Variants in SEPTIN8 observed in about 807,000 individuals in gnomAD.
SEPTIN8 encodes the protein septin-8.
Under a neutral mutation model 53.1 loss-of-function variants are expected in SEPTIN8, and 22 were observed. The ratio of observed to expected loss-of-function variants is 0.41; its 90% CI spans 0.30 to 0.59. The LOEUF (loss-of-function observed/expected upper bound fraction) is 0.59. Ranked by LOEUF, SEPTIN8 falls within the 20% of genes least tolerant of loss-of-function variation. The pLI is 0.24. For synonymous variants in SEPTIN8, 228 were observed against 248.4 expected (o/e 0.92, Z 0.77); for missense variants, 536 against 638.7 (o/e 0.84, Z 1.73).
chr5:132,776,109 G>A lies in SEPTIN8; in HGVS notation c.30+999C>T, dbSNP rs1238281447. Reference sequence around the variant, plus strand: ...TTAGCCCCAGAACCAATTCGTTATCGTTCACATATTCAGAATTCCCCCTTC... The same window carrying A: ...TTAGCCCCAGAACCAATTCGTTATCATTCACATATTCAGAATTCCCCCTTC... On this transcript the variant is annotated intron_variant, in intron 1 of 9. Coordinates refer to ENST00000378719, the MANE Select transcript of SEPTIN8 (RefSeq NM_001098811.2). The surrounding 1 kb of genome is among the most constrained non-coding windows in gnomAD (Gnocchi z 4.4). 1 of 152,536 alleles carries A rather than the reference G, an allele frequency of 6.6e-6. No homozygotes were observed. Among genetic ancestry groups the A allele is most frequent in the Non-Finnish European group, 1.5e-5 (1 of 68,228 alleles). 9.4% of individuals were successfully genotyped at this position (152,536 alleles called of 1,614,324 possible).
At position 132,758,441 on chromosome 5, in the gene SEPTIN8, C is replaced by G. The variant is rs1473559969; in HGVS notation, c.1286+2361G>C. On this transcript the variant is annotated intron_variant, in intron 9 of 9. Coordinates refer to ENST00000378719, the MANE Select transcript of SEPTIN8 (RefSeq NM_001098811.2). Reference sequence around the variant, plus strand: ...TGCACCTAGGGCACCACGTGAGTTGCCATCTCCACGCTGAACAATTAGGCC... The same window carrying G: ...TGCACCTAGGGCACCACGTGAGTTGGCATCTCCACGCTGAACAATTAGGCC... The G allele has an allele frequency of 3.2e-6, 5 of 1,585,574 alleles. No individual in the cohort carries two copies. In the African/African-American group the frequency reaches 6.7e-5, roughly 21 times the overall value.
chr5:132,754,752 A>G (rs1040028273), intron 9 of SEPTIN8, among the ~76,000 whole-genome samples: 2 of 152,190 alleles, frequency 1.3e-5, no homozygotes, highest in Non-Finnish European at 2.9e-5. Context: ...AGGAACTCCT[A>G]TCCCACCTCA....
rs1227691091 is a variant in SEPTIN8, at chr5:132,776,827, C to T, written c.30+281G>A. On this transcript the variant is annotated intron_variant, in intron 1 of 9. Transcript: ENST00000378719. The surrounding 1 kb of genome is among the most constrained non-coding windows in gnomAD (Gnocchi z 4.4). The stretch of plus-strand genomic sequence containing the variant: ...GCGCCACTCTATCTTCGCACCTGCC[C>T]GGAGCCAGGCGGGTCTTTGCTCCTT... 2.0e-5 allele frequency among the ~76,000 whole-genome samples: 3 copies of T among 152,182 alleles called. No homozygotes were observed. Among genetic ancestry groups the T allele is most frequent in the African/African-American group, 4.8e-5 (2 of 41,458 alleles).
In SEPTIN8 at chr5:132,753,141, G is replaced by A. The variant is rs192495871; in HGVS notation, c.1287-960C>T. 451 of 617,544 alleles carry A rather than the reference G, an allele frequency of 7.3e-4. 2 individuals are homozygous for A. The African/African-American group carries it at 7.6e-3, about 10-fold the overall frequency. 38.3% of individuals were successfully genotyped at this position (617,544 alleles called of 1,614,324 possible). On this transcript the variant is annotated intron_variant, in intron 9 of 9. Transcript: ENST00000378719. ...CCTTGGAAAAAAAATAAAGGGGAGA[G>A]GGGAAAGGCAGGCTGAGGTCAGTAG...
chr5:132,778,482 G>A (rs996407859), upstream of SEPTIN8, among the ~76,000 whole-genome samples: 9 of 152,176 alleles, frequency 5.9e-5, no homozygotes, highest in African/African-American at 2.2e-4. Flanking sequence ...CCCCAAGGTG[G>A]ACTGACTTCC....
intron 9 of SEPTIN8, chr5:132,758,734 A>AT: frequency 6.2e-7 from 1 of 1,612,976 alleles, no homozygotes. Context: ...ACACCATGTT[A>AT]TGGGAGAAGG....
At chr5:132,753,002 C>A (rs777037482) in intron 9 of SEPTIN8, 5 of 1,553,368 alleles carry the variant, frequency 3.2e-6, no homozygotes, top group Non-Finnish European at 4.4e-6. Context: ...GCTTTCAGAG[C>A]ATAGTGTGAA....
At chr5:132,755,873 A>G in intron 9 of SEPTIN8, 1 of 726,436 alleles carries the variant, frequency 1.4e-6, no homozygotes, top group Non-Finnish European at 1.7e-6. Flanking sequence ...AACAATTCCT[A>G]CAGAAGTAGA....
chr5:132,761,174 C>T lies in SEPTIN8; in HGVS notation c.1054G>A (p.Val352Met). ...EEMRQMFVNK[V>M]KETELELKEK... ...TTCAGCTCCAGCTCTGTCTCCTTCA[C>T]TTTGTTGACAAACATCTGCCTCATC... Residue 352 changes from valine to methionine, a missense_variant, in exon 8 of 10, where the codon GTG becomes ATG. Transcript: ENST00000378719. This position sits in a 1 kb window ranked among gnomAD's most constrained non-coding sequence, Gnocchi z 5.8. 2 of 1,614,236 alleles carry T rather than the reference C, an allele frequency of 1.2e-6. No homozygotes were observed. The highest frequency in any genetic ancestry group is 1.7e-6 in the Non-Finnish European group (2 of 1,180,042).
Position 132,761,071 on chromosome 5 carries a change from T to C in SEPTIN8, c.1095+62A>G, listed in dbSNP as rs1755888668. On this transcript the variant is annotated intron_variant, in intron 8 of 9. Coordinates refer to ENST00000378719, the MANE Select transcript of SEPTIN8 (RefSeq NM_001098811.2). The surrounding 1 kb of genome is among the most constrained non-coding windows in gnomAD (Gnocchi z 5.8). Reference sequence around the variant, plus strand: ...TGGGCCAGGAAGGCACCCCCACCTCTACCCTCAGCCAGGCCTTCCCTCCCT... The same window carrying C: ...TGGGCCAGGAAGGCACCCCCACCTCCACCCTCAGCCAGGCCTTCCCTCCCT... 8 of 1,609,616 alleles carry C rather than the reference T, an allele frequency of 5.0e-6. No individual in the cohort carries two copies. The Admixed American group carries it at 6.7e-5, about 13-fold the overall frequency.
At position 132,777,157 on chromosome 5, in the gene SEPTIN8, G is replaced by C; in HGVS notation, c.-20C>G. 8.6e-7 allele frequency: 1 copy of C among 1,168,476 alleles called. No homozygotes were observed. Among genetic ancestry groups the C allele is most frequent in the Non-Finnish European group, 1.1e-6 (1 of 946,622 alleles). 72.4% of individuals were successfully genotyped at this position (1,168,476 alleles called of 1,614,324 possible). On this transcript the variant is annotated 5_prime_UTR_variant, in exon 1 of 10. Transcript: ENST00000378719. The surrounding 1 kb of genome is among the most constrained non-coding windows in gnomAD (Gnocchi z 4.1). ...CGCCATGGCGAGCTCCGCACCGGGC[G>C]GGTGGGCTGGGACGAGCGCAGGGGC...
At chr5:132,759,633 G>A (rs528459953) in intron 9 of SEPTIN8, among the ~76,000 whole-genome samples, 191 of 152,356 alleles carry the variant, frequency 1.3e-3, no homozygotes, top group Non-Finnish European at 2.0e-3. Context: ...TGCCACCAAG[G>A]AAGGAAGGGC....
At chr5:132,756,150 C>T in intron 9 of SEPTIN8, 2 of 985,478 alleles carry the variant, frequency 2.0e-6, no homozygotes, top group Non-Finnish European at 2.4e-6. Flanking sequence ...GCAAGCCACA[C>T]TTCCTCAGGC....
At chr5:132,770,008 T>TATATATAC (rs1554115484) in intron 1 of SEPTIN8, among the ~76,000 whole-genome samples, 21 of 52,208 alleles carry the variant, frequency 4.0e-4, no homozygotes, top group African/African-American at 1.2e-3. Context: ...TATATATATA[T>TATATATAC]ATATATATAT....
rs932850103 is a variant in SEPTIN8 at position 132,758,451 on chromosome 5, G to A, written c.1286+2351C>T. The A allele has an allele frequency of 1.4e-5, 22 of 1,595,684 alleles. No individual in the cohort carries two copies. The Admixed American group carries it at 1.9e-4, about 14-fold the overall frequency. ...GCACCACGTGAGTTGCCATCTCCAC[G>A]CTGAACAATTAGGCCTAGCATCCCG... is the stretch of plus-strand genomic sequence containing the variant. On this transcript the variant is annotated intron_variant, in intron 9 of 9. Transcript: ENST00000378719.
rs538327100 is a variant in SEPTIN8 at position 132,772,572 on chromosome 5, C to T, written c.30+4536G>A. Among the ~76,000 whole-genome samples the T allele has an allele frequency of 2.0e-5, 3 of 152,314 alleles. No homozygotes were observed. In the East Asian group the frequency reaches 5.8e-4, roughly 29 times the overall value. On this transcript the variant is annotated intron_variant, in intron 1 of 9. Transcript: ENST00000378719. ...GGGTATCACTGGCAGGAGAAGGCAG[C>T]CTCTGTTTCACAGCAAATGAAACCC...
At chr5:132,777,316 C>T (rs1205498517), upstream of SEPTIN8, 2 of 1,079,466 alleles carry the variant, frequency 1.9e-6, no homozygotes, top group African/African-American at 1.7e-5. The surrounding 1 kb of genome is among the most constrained non-coding windows in gnomAD (Gnocchi z 4.1). Flanking sequence ...CCCCTGCCCC[C>T]GCCCGCGGGA....
In SEPTIN8 at chr5:132,760,746, A is replaced by G. The variant is rs1755827801; in HGVS notation, c.1286+56T>C. Reference sequence around the variant, plus strand: ...AGAAGGGAGGTGAGGGACAAGAACGAAAGCAAGAGCCCACAGGAGCAAGAG... The same window carrying G: ...AGAAGGGAGGTGAGGGACAAGAACGGAAGCAAGAGCCCACAGGAGCAAGAG... On this transcript the variant is annotated intron_variant, in intron 9 of 9. Coordinates refer to ENST00000378719, the MANE Select transcript of SEPTIN8 (RefSeq NM_001098811.2). This position sits in a 1 kb window ranked among gnomAD's most constrained non-coding sequence, Gnocchi z 5.2. 6.5e-7 allele frequency: 1 copy of G among 1,535,870 alleles called. No individual in the cohort carries two copies. The highest frequency in any genetic ancestry group is 1.4e-5 in the African/African-American group (1 of 72,322).
chr5:132,754,223 A>C (rs950240360), intron 9 of SEPTIN8: 2 of 569,480 alleles, frequency 3.5e-6, no homozygotes, highest in South Asian at 4.7e-5. Context: ...AGTCAGATAC[A>C]TTTGGAACAC....
Sources: gnomAD v4.1 joint callset for allele counts (sites outside exome capture counted in the v4.1 genomes callset) on GRCh38, gnomAD v4.1.1 for gene constraint, Gnocchi (gnomAD v3.1) non-coding constraint, MANE v1.5 for transcripts, NCBI Gene and HGNC (gene_info 2026-07-23, HGNC 2026-07-21) for gene names.